CALCR: variants seen among roughly 807,000 people sequenced by gnomAD.
The protein encoded by CALCR is calcitonin receptor.
Under a neutral mutation model 59.5 loss-of-function variants are expected in CALCR, and 47 were observed. That is an observed-to-expected ratio of 0.79 (90% CI 0.63 to 1.01). The LOEUF is 1.01. CALCR is among the 50% of genes least tolerant of loss of function. CALCR has a pLI of 0.00. For missense variants in CALCR, 566 were observed against 597.1 expected, an observed-to-expected ratio of 0.95 and a Z score of 0.54; for synonymous variants, 213 against 211.3, an observed-to-expected ratio of 1.01 and a Z score of -0.07.
At chr7:93,571,977 A>G (rs1790015363) in intron 2 of CALCR, among the ~76,000 whole-genome samples, 1 of 152,174 alleles carries the variant, frequency 6.6e-6, no homozygotes, top group Admixed American at 6.5e-5. Flanking sequence ...TCTTAAGCAA[A>G]AGGAGATGAA....
chr7:93,515,884 T>C (rs1801640236), intron 2 of CALCR, among the ~76,000 whole-genome samples: 1 of 152,036 alleles, frequency 6.6e-6, no homozygotes, highest in African/African-American at 2.4e-5. Flanking sequence ...TTTATTTTTA[T>C]TTCAATGTTT....
intron 2 of CALCR, among the ~76,000 whole-genome samples, chr7:93,542,573 T>C (rs1304502417): frequency 1.3e-5 from 2 of 152,156 alleles, no homozygotes. Flanking sequence ...AAATTTTTCT[T>C]TCTCCAATAA....
intron 2 of CALCR, among the ~76,000 whole-genome samples, chr7:93,513,202 TAGGGTACC>T (rs1285308407): frequency 6.6e-6 from 1 of 152,122 alleles, no homozygotes; most frequent in African/African-American, 2.4e-5. Context: ...CAGAGGAAAT[TAGGGTACC>T]TATGAGTAAT....
intron 9 of CALCR, chr7:93,441,687 G>A (rs567054211): frequency 2.9e-5 from 11 of 384,066 alleles, no homozygotes; most frequent in Middle Eastern, 3.8e-4. Flanking sequence ...AACCTCACTG[G>A]ATGGTTAAGG....
chr7:93,524,472 G>T (rs897478344), intron 2 of CALCR, among the ~76,000 whole-genome samples: 3 of 151,982 alleles, frequency 2.0e-5, no homozygotes, highest in African/African-American at 7.2e-5. Flanking sequence ...GCCCAGCCTG[G>T]TTTTTTTAAA....
intron 2 of CALCR, among the ~76,000 whole-genome samples, chr7:93,522,783 T>A (rs1019268794): frequency 2.6e-5 from 4 of 152,156 alleles, no homozygotes; most frequent in Non-Finnish European, 5.9e-5. Flanking sequence ...GTTCCTCTCA[T>A]GTTAGTATGA....
At chr7:93,517,112 G>C (rs1563004547) in intron 2 of CALCR, among the ~76,000 whole-genome samples, 1 of 151,746 alleles carries the variant, frequency 6.6e-6, no homozygotes, top group South Asian at 2.1e-4. Context: ...CTTCTGCCTA[G>C]TCTATTATGG....
chr7:93,536,247 AGACACACACTATTTCATG>A (rs1788980640), intron 2 of CALCR, among the ~76,000 whole-genome samples: 1 of 151,740 alleles, frequency 6.6e-6, no homozygotes, highest in African/African-American at 2.4e-5. Flanking sequence ...GCCCCTAGAC[AGACACACACTATTTCATG>A]GAAGTGAATG....
At chr7:93,501,065 C>A (rs1384697634) in intron 2 of CALCR, among the ~76,000 whole-genome samples, 2 of 151,838 alleles carry the variant, frequency 1.3e-5, no homozygotes, top group East Asian at 1.9e-4. Flanking sequence ...AAAAACAGAG[C>A]AATTAAGTGA....
intron 2 of CALCR, among the ~76,000 whole-genome samples, chr7:93,509,155 G>C (rs1279406274): frequency 6.6e-5 from 10 of 152,096 alleles, no homozygotes; most frequent in Non-Finnish European, 1.0e-4. Context: ...TCAGGTAAAA[G>C]CATGGCAGAG....
chr7:93,492,112 G>A (rs1035628542), intron 2 of CALCR, among the ~76,000 whole-genome samples: 2 of 151,588 alleles, frequency 1.3e-5, no homozygotes, highest in Non-Finnish European at 3.0e-5. Flanking sequence ...GGATGAAGCT[G>A]AAAGCCATCA....
At chr7:93,564,464 A>ATTT (rs1276822597) in intron 2 of CALCR, among the ~76,000 whole-genome samples, 2 of 152,216 alleles carry the variant, frequency 1.3e-5, no homozygotes, top group African/African-American at 4.8e-5. Flanking sequence ...CACTTTTAAA[A>ATTT]AAAAAAAAAT....
chr7:93,486,785 G>A (rs1800954171), intron 3 of CALCR, 146 bp downstream of exon 3: 1 of 649,318 alleles, frequency 1.5e-6, no homozygotes, highest in Non-Finnish European at 2.7e-6. Flanking sequence ...AAAATATTAA[G>A]CAAAATAATG....
At chr7:93,529,481 G>A (rs1788774683) in intron 2 of CALCR, among the ~76,000 whole-genome samples, 1 of 152,152 alleles carries the variant, frequency 6.6e-6, no homozygotes, top group South Asian at 2.1e-4. Flanking sequence ...TTACAGCAAT[G>A]TAAGAATAGA....
rs1801643831 is a variant in CALCR, at chr7:93,516,018, TTTC to T, written c.-26-29014_-26-29012del. ...GAGTCATAGTATAACTGAATTTTAT[TTTC>T]TTTTTAATGATACATAAAATAATGT... On this transcript the variant is annotated intron_variant, in intron 2 of 13. Transcript: ENST00000426151. Among the ~76,000 whole-genome samples, 3 of 151,990 alleles carry T rather than the reference TTTC, an allele frequency of 2.0e-5. No individual in the cohort carries two copies. In the South Asian group the frequency reaches 6.2e-4, roughly 32 times the overall value.
intron 6 of CALCR, among the ~76,000 whole-genome samples, chr7:93,469,154 A>G (rs1307078242): frequency 6.6e-6 from 1 of 151,814 alleles, no homozygotes; most frequent in Non-Finnish European, 1.5e-5. Flanking sequence ...CAGTGGATAC[A>G]TAATTCTATA....
intron 6 of CALCR, among the ~76,000 whole-genome samples, chr7:93,472,043 T>A (rs1479246472): frequency 2.0e-5 from 3 of 151,778 alleles, no homozygotes; most frequent in Non-Finnish European, 4.4e-5. Context: ...AAAAGAGATG[T>A]TAGAGAGTCC....
intron 2 of CALCR, among the ~76,000 whole-genome samples, chr7:93,569,515 G>A (rs1789951780): frequency 6.6e-6 from 1 of 152,034 alleles, no homozygotes. Context: ...GCCCTTTAGG[G>A]TAACCTCCCT....
intron 2 of CALCR, among the ~76,000 whole-genome samples, chr7:93,527,377 T>C (rs1788685255): frequency 6.7e-6 from 1 of 150,274 alleles, no homozygotes; most frequent in Admixed American, 6.6e-5. Flanking sequence ...TTAAATGGTG[T>C]ATCTAAATAT....
Sources: allele counts gnomAD v4.1 joint callset (sites outside exome capture counted in the v4.1 genomes callset), GRCh38; gene constraint gnomAD v4.1.1; transcripts MANE v1.5; gene names NCBI Gene and HGNC (gene_info 2026-07-23, HGNC 2026-07-21).